The following BMPR1B variants were observed in gnomAD, a reference collection of about 807,000 sequenced individuals.
BMPR1B encodes bone morphogenetic protein receptor type 1B, also known as bone morphogenetic protein receptor type-1B.
A neutral mutation model predicts 59.1 loss-of-function variants in BMPR1B; 12 were observed. The observed-to-expected ratio is 0.20, with a 90% CI of 0.13 to 0.33. The LOEUF (loss-of-function observed/expected upper bound fraction) is 0.33. BMPR1B is among the 10% of genes least tolerant of loss of function. The probability of loss-of-function intolerance (pLI) is 1.00; values close to 1 mark genes in which losing one functional copy is unlikely to be tolerated. For synonymous variants in BMPR1B, 237 were observed against 207.3 expected (o/e 1.14, Z -1.23); for missense variants, 550 against 610.9 (o/e 0.90, Z 1.05).
intron 2 of BMPR1B, among the ~76,000 whole-genome samples, chr4:94,913,991 AAAT>A (rs1292711707): frequency 1.3e-5 from 2 of 152,192 alleles, no homozygotes; most frequent in Non-Finnish European, 2.9e-5. Context: ...GACATTATTC[AAAT>A]AATCATGGTA....
rs1012064278 is a variant in BMPR1B, at chr4:94,806,130, C to T, written c.-183+48062C>T. Among the ~76,000 whole-genome samples, 5 of 152,086 alleles carry T rather than the reference C, an allele frequency of 3.3e-5. No individual in the cohort carries two copies. The East Asian group carries it at 9.7e-4, about 29-fold the overall frequency. ...AGTGTGGTTCGATTTAGCTTTAATT[C>T]AAGACAGCTAGTCTCTTATTATCTA... On this transcript the variant is annotated intron_variant, in intron 1 of 12. Coordinates refer to ENST00000515059, the MANE Select transcript of BMPR1B (RefSeq NM_001203.3).
At chr4:94,876,032 C>T (rs1726717559) in intron 2 of BMPR1B, 132 bp downstream of exon 2, 1 of 152,554 alleles carries the variant, frequency 6.6e-6, no homozygotes, top group African/African-American at 2.4e-5. Context: ...ATGGAATCTA[C>T]AATTGTTCCT....
At chr4:95,067,835 A>T (rs1190804598) in intron 3 of BMPR1B, among the ~76,000 whole-genome samples, 1 of 152,206 alleles carries the variant, frequency 6.6e-6, no homozygotes, top group Non-Finnish European at 1.5e-5. Context: ...ACATTCCCAG[A>T]TGGAGGTCGC....
At chr4:95,090,298 T>C (rs530378083) in intron 3 of BMPR1B, among the ~76,000 whole-genome samples, 2 of 151,938 alleles carry the variant, frequency 1.3e-5, no homozygotes, top group East Asian at 3.9e-4. Context: ...AGTTACATTT[T>C]ATAAAAATTA....
At chr4:95,109,699 TTTATTATTA>T (rs10597656) in intron 4 of BMPR1B, among the ~76,000 whole-genome samples, 24 of 146,848 alleles carry the variant, frequency 1.6e-4, no homozygotes, top group African/African-American at 5.0e-4. Context: ...AGAACTTCTT[TTTATTATTA>T]TTATTATTAT....
chr4:94,953,215 A>G (rs187240593), intron 2 of BMPR1B, among the ~76,000 whole-genome samples: 180 of 152,088 alleles, frequency 1.2e-3, no homozygotes, highest in African/African-American at 4.3e-3. Flanking sequence ...TCTTTATCCA[A>G]TTTGCCAGTG....
In BMPR1B at chr4:94,946,767, T is replaced by C. The variant is rs1233132920; in HGVS notation, c.-112-49273T>C. On this transcript the variant is annotated intron_variant, in intron 2 of 12. Coordinates refer to ENST00000515059, the MANE Select transcript of BMPR1B (RefSeq NM_001203.3). ...TGCCATGATATTCAAAAGGGCAAAT[T>C]TGGTCAGGCGTGGTGGCTCACATCT... Among the ~76,000 whole-genome samples, 4 of 152,020 alleles carry C rather than the reference T, an allele frequency of 2.6e-5. No homozygotes were observed. In the East Asian group the frequency reaches 7.7e-4, roughly 29 times the overall value.
At chr4:94,868,586 A>G (rs1726351147) in intron 1 of BMPR1B, among the ~76,000 whole-genome samples, 1 of 152,182 alleles carries the variant, frequency 6.6e-6, no homozygotes, top group Admixed American at 6.5e-5. Context: ...GGGACCAATA[A>G]GTGTCCTTTG....
At chr4:94,839,358 G>A (rs1267467725) in intron 1 of BMPR1B, among the ~76,000 whole-genome samples, 2 of 145,490 alleles carry the variant, frequency 1.4e-5, no homozygotes, top group African/African-American at 2.6e-5. Flanking sequence ...TTGACAGTGG[G>A]GTGTTAAAAT....
intron 2 of BMPR1B, among the ~76,000 whole-genome samples, chr4:94,879,498 G>T (rs895830180): frequency 4.6e-5 from 7 of 152,166 alleles, no homozygotes; most frequent in Non-Finnish European, 1.0e-4. Flanking sequence ...AGCTACTCCA[G>T]GAGGCTGAGG....
At position 94,838,184 on chromosome 4, in the gene BMPR1B, C is replaced by A. The variant is rs1390378373; in HGVS notation, c.-182-37647C>A. On this transcript the variant is annotated intron_variant, in intron 1 of 12. Transcript: ENST00000515059. ...GCCAGTATTTTATTGAGGATTTTTG[C>A]ATCAATGTTCATCAAGGATATTGGT... 1.7e-5 allele frequency among the ~76,000 whole-genome samples: 2 copies of A among 116,546 alleles called. 1 individual carries two copies. Among genetic ancestry groups the A allele is most frequent in the Admixed American group, 1.6e-4 (2 of 12,470 alleles). 76.5% of individuals were successfully genotyped at this position (116,546 alleles called of 152,430 possible). A position where few individuals can be genotyped will look rare whatever the true frequency, so the allele number is the denominator to read the frequency against.
At chr4:94,972,265 G>T (rs1485296206) in intron 2 of BMPR1B, among the ~76,000 whole-genome samples, 1 of 150,588 alleles carries the variant, frequency 6.6e-6, no homozygotes, top group African/African-American at 2.5e-5. Flanking sequence ...TTCTTCTCTT[G>T]CTAGCTGTAA....
intron 2 of BMPR1B, among the ~76,000 whole-genome samples, chr4:94,928,135 A>T (rs2149031230): frequency 6.6e-6 from 1 of 150,572 alleles, no homozygotes; most frequent in South Asian, 2.1e-4. Context: ...GTATGTGGTT[A>T]TTTTTTATTT....
At chr4:94,991,558 C>A (rs76898677) in intron 2 of BMPR1B, among the ~76,000 whole-genome samples, 1,747 of 152,218 alleles carry the variant, frequency 0.011, 10 homozygotes, top group Middle Eastern at 0.034. Context: ...GAACAGTTAG[C>A]CATGCAGCTC....
At chr4:95,139,769 C>T (rs1734083893) in intron 10 of BMPR1B, among the ~76,000 whole-genome samples, 1 of 152,194 alleles carries the variant, frequency 6.6e-6, no homozygotes, top group Non-Finnish European at 1.5e-5. Flanking sequence ...GTGCCGTTTG[C>T]TAAGACTGTT....
chr4:94,922,078 T>A (rs953001839), intron 2 of BMPR1B, among the ~76,000 whole-genome samples: 3 of 152,120 alleles, frequency 2.0e-5, no homozygotes, highest in Non-Finnish European at 4.4e-5. Context: ...GTTCAATCTA[T>A]CCTTCCACCT....
At chr4:95,150,363 A>T (rs944821375) in intron 11 of BMPR1B, among the ~76,000 whole-genome samples, 1 of 151,710 alleles carries the variant, frequency 6.6e-6, no homozygotes, top group South Asian at 2.1e-4. Context: ...CATTCCCAGC[A>T]TTTTGGGAGT....
intron 10 of BMPR1B, among the ~76,000 whole-genome samples, chr4:95,141,580 A>G (rs1181326326): frequency 6.6e-6 from 1 of 152,224 alleles, no homozygotes; most frequent in Non-Finnish European, 1.5e-5. Context: ...TTTCCTGCTC[A>G]GCAGAAATTT....
intron 1 of BMPR1B, among the ~76,000 whole-genome samples, chr4:94,787,391 T>C (rs1722801222): frequency 6.6e-6 from 1 of 152,082 alleles, no homozygotes; most frequent in African/African-American, 2.4e-5. Context: ...GCATCTCCGG[T>C]TCTCCCCTGA....
Sources: gnomAD v4.1 joint callset for allele counts (sites outside exome capture counted in the v4.1 genomes callset) on GRCh38, gnomAD v4.1.1 for gene constraint, MANE v1.5 for transcripts, NCBI Gene and HGNC (gene_info 2026-07-23, HGNC 2026-07-21) for gene names.